The following TIPIN variants were observed in gnomAD, a reference collection of about 807,000 sequenced individuals.
TIPIN encodes the protein TIMELESS-interacting protein.
In TIPIN, 29 loss-of-function variants were observed where a neutral mutation model predicts 35.6. The ratio of observed to expected loss-of-function variants is 0.82; its 90% CI spans 0.61 to 1.11. The LOEUF is 1.11. Among genes scored for constraint, TIPIN ranks in the 50% most tolerant of loss-of-function variants. TIPIN has a pLI of 0.00. For missense variants in TIPIN, 296 were observed against 345.4 expected, an observed-to-expected ratio of 0.86 and a Z score of 1.13; for synonymous variants, 102 against 121.5, an observed-to-expected ratio of 0.84 and a Z score of 1.06.
chr15:66,339,131 C>CAG (rs2093066869), intron 7 of TIPIN, among the ~76,000 whole-genome samples: 1 of 20,584 alleles, frequency 4.9e-5, no homozygotes, highest in Non-Finnish European at 7.0e-5. Context: ...GACTCCATCT[C>CAG]AAAAAAAAAA....
intron 1 of TIPIN, among the ~76,000 whole-genome samples, chr15:66,372,628 G>A (rs1157621127): frequency 6.6e-6 from 1 of 152,108 alleles, no homozygotes; most frequent in Non-Finnish European, 1.5e-5. Flanking sequence ...TAATAGGGCC[G>A]GGACCTGTGG....
rs375930559 is a variant in TIPIN at position 66,367,927 on chromosome 15, G to A, written c.-8-14972C>T. On this transcript the variant is annotated intron_variant, in intron 1 of 7. Transcript: ENST00000562124. ...TCGGCTCACACAACCTCTGTCTCCC[G>A]GGTTCAAGCAATTCTCCTGCCTCAG... Among the ~76,000 whole-genome samples, 20 of 148,022 alleles carry A rather than the reference G, an allele frequency of 1.4e-4. No individual in the cohort carries two copies. The East Asian group carries it at 1.6e-3, about 12-fold the overall frequency.
At position 66,337,064 on chromosome 15, in the gene TIPIN, G is replaced by T; in HGVS notation, c.800C>A (p.Ala267Asp). The stretch of plus-strand genomic sequence containing the variant: ...CTCTTCATTTAAAGTATTGGCAATA[G>T]CATCATTACATGGATTGTCCAGAAT... The part of the protein sequence containing the change: ...EDILDNPCND[A>D]IANTLNEEET... Residue 267 changes from alanine (A) to aspartate (D), a missense_variant, in exon 8 of 8, where the codon GCT (alanine) becomes GAT (aspartate). Transcript: ENST00000261881. 1 of 1,614,088 alleles carries T rather than the reference G, an allele frequency of 6.2e-7. No individual in the cohort carries two copies. Among genetic ancestry groups the T allele is most frequent in the South Asian group, 1.1e-5 (1 of 91,084 alleles).
chr15:66,340,170 C>CTTTTTTT (rs1566970488), intron 7 of TIPIN, among the ~76,000 whole-genome samples: 5 of 113,882 alleles, frequency 4.4e-5, no homozygotes, highest in African/African-American at 1.8e-4. Flanking sequence ...CTGCGCCTGG[C>CTTTTTTT]CTTTTTTTTT....
intron 1 of TIPIN, among the ~76,000 whole-genome samples, chr15:66,353,477 G>C (rs545674756): frequency 1.1e-3 from 173 of 151,974 alleles, no homozygotes; most frequent in Admixed American, 3.2e-3. Flanking sequence ...TTATCCAGGC[G>C]TGGTGGCGGG....
intron 1 of TIPIN, among the ~76,000 whole-genome samples, chr15:66,364,964 C>A (rs2093247558): frequency 1.4e-3 from 1 of 702 alleles, no homozygotes; most frequent in African/African-American, 4.0e-3. Context: ...GAAACTCCAT[C>A]TCAAAAAAAA....
At chr15:66,344,174 T>C (rs1433416595) in intron 6 of TIPIN, among the ~76,000 whole-genome samples, 1 of 152,118 alleles carries the variant, frequency 6.6e-6, no homozygotes, top group Non-Finnish European at 1.5e-5. Flanking sequence ...CATAGCTCAC[T>C]CCAGCCTCAA....
intron 7 of TIPIN, among the ~76,000 whole-genome samples, chr15:66,339,874 A>ATTTTTTTTT (rs199989826): frequency 1.4e-5 from 2 of 146,652 alleles, no homozygotes; most frequent in Admixed American, 6.8e-5. Flanking sequence ...AAGAAAAAGC[A>ATTTTTTTTT]TTTTTTTTTT....
intron 1 of TIPIN, among the ~76,000 whole-genome samples, chr15:66,355,299 C>T (rs2140470105): frequency 6.6e-6 from 1 of 151,480 alleles, no homozygotes; most frequent in Middle Eastern, 3.5e-3. Context: ...TCCTAAAATG[C>T]TGGGATTACA....
chr15:66,371,380 A>G (rs1290552441), intron 1 of TIPIN: 1 of 985,050 alleles, frequency 1.0e-6, no homozygotes, highest in African/African-American at 1.7e-5. Context: ...AATGTGAGAA[A>G]GGCCTATATC....
rs1237721918 is a variant in TIPIN, at chr15:66,379,656, C to G, written c.-9+6951G>C. 3.7e-6 allele frequency: 6 copies of G among 1,610,354 alleles called. No homozygotes were observed. The African/African-American group carries it at 8.0e-5, about 22-fold the overall frequency. On this transcript the variant is annotated intron_variant, in intron 1 of 7. Transcript: ENST00000562124. Reference sequence around the variant, plus strand: ...CACAGACCTCATCTTGTAACGGAAGCCCAGTGTAACACCCTTGATCATGTT... The same window carrying G: ...CACAGACCTCATCTTGTAACGGAAGGCCAGTGTAACACCCTTGATCATGTT...
At chr15:66,347,422 A>T (rs2093134367) in intron 6 of TIPIN, 2 of 398,514 alleles carry the variant, frequency 5.0e-6, no homozygotes, top group Non-Finnish European at 1.0e-5. Context: ...ATTTTGCCTA[A>T]TTTCCCAGTA....
upstream of TIPIN, among the ~76,000 whole-genome samples, chr15:66,361,024 C>G (rs1034660472): frequency 6.9e-6 from 1 of 143,912 alleles, no homozygotes; most frequent in East Asian, 2.1e-4. Flanking sequence ...CCTATCTACT[C>G]GGAAGGCTGA....
At chr15:66,355,207 G>A (rs1317552550) in intron 1 of TIPIN, among the ~76,000 whole-genome samples, 1 of 150,892 alleles carries the variant, frequency 6.6e-6, no homozygotes, top group Non-Finnish European at 1.5e-5. Flanking sequence ...CTAATTTTTT[G>A]TATTTTTCAT....
intron 6 of TIPIN, among the ~76,000 whole-genome samples, chr15:66,345,297 G>A (rs765950583): frequency 2.0e-5 from 3 of 152,096 alleles, no homozygotes; most frequent in Non-Finnish European, 2.9e-5. Context: ...ACAGCTGGAG[G>A]CCAAGCACAG....
chr15:66,357,817 G>C (rs556057908), upstream of TIPIN, among the ~76,000 whole-genome samples: 2 of 152,114 alleles, frequency 1.3e-5, no homozygotes, highest in South Asian at 4.1e-4. Flanking sequence ...TTAGCCGGGC[G>C]TGGTGGCGCG....
chr15:66,383,470 C>T (rs1595826419), intron 1 of TIPIN: 4 of 362,030 alleles, frequency 1.1e-5, no homozygotes, highest in East Asian at 1.6e-4. Context: ...ACCATGTTGG[C>T]CAGGCTTGGT....
chr15:66,369,351 ATC>A (rs769831132), intron 1 of TIPIN, among the ~76,000 whole-genome samples: 4 of 83,746 alleles, frequency 4.8e-5, no homozygotes, highest in Non-Finnish European at 6.8e-5. Context: ...AGTTCACAAT[ATC>A]TTTTTTTTTT....
At chr15:66,339,320 A>T (rs960050470) in intron 7 of TIPIN, among the ~76,000 whole-genome samples, 2 of 151,046 alleles carry the variant, frequency 1.3e-5, no homozygotes, top group Admixed American at 6.6e-5. Flanking sequence ...TATGTTGCCC[A>T]GGCTGGTCTT....
Sources: allele counts gnomAD v4.1 joint callset (sites outside exome capture counted in the v4.1 genomes callset), GRCh38; gene constraint gnomAD v4.1.1; transcripts MANE v1.5; gene names NCBI Gene and HGNC (gene_info 2026-07-23, HGNC 2026-07-21).